The following RO60 variants were observed in gnomAD, a reference collection of about 807,000 sequenced individuals.
The protein encoded by RO60 is Ro60, Y RNA binding protein, also known as RNA-binding protein RO60.
A neutral mutation model predicts 55.3 loss-of-function variants in RO60; 20 were observed. The observed-to-expected ratio is 0.36, with a 90% CI of 0.25 to 0.53. The LOEUF (loss-of-function observed/expected upper bound fraction) is 0.53. Among genes scored for constraint, RO60 ranks in the 20% least tolerant of loss-of-function variants. The probability of loss-of-function intolerance (pLI) is 0.92; values close to 1 mark genes in which losing one functional copy is unlikely to be tolerated. For missense variants in RO60, 558 were observed against 646.6 expected, an observed-to-expected ratio of 0.86 and a Z score of 1.49; for synonymous variants, 213 against 213.6, an observed-to-expected ratio of 1.00 and a Z score of 0.02.
intron 5 of RO60, among the ~76,000 whole-genome samples, chr1:193,077,488 T>C (rs946121414): frequency 5.3e-5 from 8 of 152,100 alleles, no homozygotes; most frequent in Non-Finnish European, 1.2e-4. Context: ...CTTCTTCACA[T>C]GGCAGCAGGA....
intron 5 of RO60, among the ~76,000 whole-genome samples, chr1:193,080,704 C>A (rs540737544): frequency 6.6e-6 from 1 of 152,240 alleles, no homozygotes; most frequent in South Asian, 2.1e-4. Context: ...AAATTTGATA[C>A]ATGCTACACC....
chr1:193,066,063 C>G (rs1162956114), intron 1 of RO60, among the ~76,000 whole-genome samples: 1 of 152,172 alleles, frequency 6.6e-6, no homozygotes, highest in Non-Finnish European at 1.5e-5. Context: ...GGGGGAATGT[C>G]TTCAGTTTCC....
Position 193,085,904 on chromosome 1 carries a change from CA to C in RO60, c.*1174del. On this transcript the variant is annotated 3_prime_UTR_variant, in exon 9 of 9. Transcript: ENST00000400968. ...TATTATTTGTATGTATTAAACTTTT[CA>C]TTACACTAAAGTGCATTATTTTATT... The C allele has an allele frequency of 1.0e-6, 1 of 985,164 alleles. No homozygotes were observed. The allele number at this position is 985,164 out of a possible 1,614,324, so 61.0% of individuals were successfully genotyped here.
Position 193,081,464 on chromosome 1 carries a change from C to G in RO60, c.1187C>G (p.Ala396Gly). 1 of 1,607,024 alleles carries G rather than the reference C, an allele frequency of 6.2e-7. No homozygotes were observed. The highest frequency in any genetic ancestry group is 1.1e-5 in the South Asian group (1 of 89,532). The part of the protein sequence containing the change: ...LGSILNASTV[A>G]AAMCMVVTRT... ...AGTATACTCAACGCTAGTACAGTTGCTGCAGCAATGTGCATGGTGAGAACA... is the reference window on the plus strand; with the variant it reads ...AGTATACTCAACGCTAGTACAGTTGGTGCAGCAATGTGCATGGTGAGAACA... The change falls in exon 6 of 9, where the codon GCT (alanine) becomes GGT (glycine). Residue 396 changes from alanine (A) to glycine (G), a missense_variant. Coordinates refer to ENST00000400968, the MANE Select transcript of RO60 (RefSeq NM_001173524.2).
At chr1:193,065,919 G>A (rs1457654980) in intron 1 of RO60, among the ~76,000 whole-genome samples, 1 of 152,056 alleles carries the variant, frequency 6.6e-6, no homozygotes, top group Non-Finnish European at 1.5e-5. Flanking sequence ...CATTCAAAAT[G>A]TGAGGCTCTT....
intron 1 of RO60, among the ~76,000 whole-genome samples, chr1:193,064,558 TTCTG>T (rs1461007817): frequency 6.6e-6 from 1 of 152,236 alleles, no homozygotes; most frequent in Non-Finnish European, 1.5e-5. Flanking sequence ...TTATTCTGTT[TTCTG>T]TCTTTTAAAA....
chr1:193,061,952 C>T (rs904913106), intron 1 of RO60, among the ~76,000 whole-genome samples: 4 of 151,124 alleles, frequency 2.6e-5, no homozygotes, highest in African/African-American at 9.8e-5. Flanking sequence ...CCACTACACT[C>T]CAGCCTGGGT....
In RO60 at chr1:193,089,259, C is replaced by G. The variant is rs1179264747; in HGVS notation, c.*4528C>G. The G allele has an allele frequency of 6.6e-6, 1 of 152,122 alleles. No individual in the cohort carries two copies. 9.4% of individuals were successfully genotyped at this position (152,122 alleles called of 1,614,324 possible). A position where few individuals can be genotyped will look rare whatever the true frequency, so the allele number is the denominator to read the frequency against. Reference sequence around the variant, plus strand: ...TTAGAAAAATAATTAACTGATTACTCTTTCAGAAAATAGCAGGTGTCTCAA... The same window carrying G: ...TTAGAAAAATAATTAACTGATTACTGTTTCAGAAAATAGCAGGTGTCTCAA... On this transcript the variant is annotated 3_prime_UTR_variant, in exon 9 of 9. Transcript: ENST00000400968.
chr1:193,076,562 T>A lies in RO60; in HGVS notation c.863T>A (p.Met288Lys), dbSNP rs1181346273. Reference protein sequence around the residue: ...LTALLRNLGKMTANSVLEPGN... With the variant: ...LTALLRNLGKKTANSVLEPGN... Reference sequence around the variant, plus strand: ...GCATTACTAAGGAATCTAGGAAAGATGACTGCTAATTCAGTACTTGAACCA... The same window carrying A: ...GCATTACTAAGGAATCTAGGAAAGAAGACTGCTAATTCAGTACTTGAACCA... Residue 288 changes from methionine (M) to lysine (K), a missense_variant, in exon 4 of 9, where the codon ATG becomes AAG. Physicochemically the swap from Met to Lys is moderately conservative, Grantham distance 95. Transcript: ENST00000400968. 2 of 1,612,808 alleles carry A rather than the reference T, an allele frequency of 1.2e-6. No individual in the cohort carries two copies.
At position 193,088,696 on chromosome 1, in the gene RO60, C is replaced by T. The variant is rs1674728030; in HGVS notation, c.*3965C>T. 1.3e-5 allele frequency: 2 copies of T among 151,952 alleles called. No homozygotes were observed. The highest frequency in any genetic ancestry group is 2.4e-5 in the African/African-American group (1 of 41,380). 9.4% of individuals were successfully genotyped at this position (151,952 alleles called of 1,614,324 possible). On this transcript the variant is annotated 3_prime_UTR_variant, in exon 9 of 9. Coordinates refer to ENST00000400968, the MANE Select transcript of RO60 (RefSeq NM_001173524.2). ...TGGGGTGATTGTTAAGGCACTATCC[C>T]CTCTGGAGAAATGTCATATGGCATC...
At chr1:193,082,817 T>C in intron 8 of RO60, 109 bp downstream of exon 8, 1 of 942,606 alleles carries the variant, frequency 1.1e-6, no homozygotes, top group Non-Finnish European at 1.5e-6. Context: ...CTGGCTGGAG[T>C]GCAGTGGCTC....
chr1:193,091,532 C>A (rs1351998057), downstream of RO60: 3 of 819,424 alleles, frequency 3.7e-6, no homozygotes, highest in African/African-American at 3.5e-5. Flanking sequence ...AATAATACAA[C>A]TAACAATGTA....
chr1:193,069,693 A>G, intron 2 of RO60, 59 bp downstream of exon 2: 1 of 1,342,410 alleles, frequency 7.4e-7, no homozygotes, highest in South Asian at 1.4e-5. Flanking sequence ...ATAAATAGCA[A>G]ATTTTTATTT....
chr1:193,063,041 G>A (rs145313101), intron 1 of RO60, among the ~76,000 whole-genome samples: 4 of 152,214 alleles, frequency 2.6e-5, no homozygotes, highest in African/African-American at 9.6e-5. Flanking sequence ...TTTTTCTTAG[G>A]TGTGTGGTAG....
intron 1 of RO60, among the ~76,000 whole-genome samples, chr1:193,064,147 A>G (rs1480201070): frequency 6.6e-6 from 1 of 152,206 alleles, no homozygotes; most frequent in African/African-American, 2.4e-5. Context: ...TTCACCAAGG[A>G]TGCTCCACTG....
At chr1:193,077,643 A>G (rs1572093021) in intron 5 of RO60, among the ~76,000 whole-genome samples, 2 of 152,174 alleles carry the variant, frequency 1.3e-5, no homozygotes, top group East Asian at 3.9e-4. Flanking sequence ...ACATGTGGGG[A>G]TTATGGGAAC....
At position 193,085,040 on chromosome 1, in the gene RO60, G is replaced by GTTAC; in HGVS notation, c.*309_*310insTTAC. ...GAATAATACGTGTGTACCTAAAAGA[G>GTTAC]GTAAGAGCAAAAAGTGTAATTCCAC... On this transcript the variant is annotated 3_prime_UTR_variant, in exon 9 of 9. Coordinates refer to ENST00000400968, the MANE Select transcript of RO60 (RefSeq NM_001173524.2). 1 of 1,524,410 alleles carries GTTAC rather than the reference G, an allele frequency of 6.6e-7. No individual in the cohort carries two copies. The highest frequency in any genetic ancestry group is 8.8e-7 in the Non-Finnish European group (1 of 1,139,812). The allele number at this position is 1,524,410 out of a possible 1,614,324, so 94.4% of individuals were successfully genotyped here. A position where few individuals can be genotyped will look rare whatever the true frequency, so the allele number is the denominator to read the frequency against.
intron 2 of RO60, among the ~76,000 whole-genome samples, chr1:193,071,762 A>G (rs1475333012): frequency 6.7e-6 from 1 of 148,424 alleles, no homozygotes; most frequent in African/African-American, 2.4e-5. Flanking sequence ...ATTGTATAAT[A>G]TAGTATATAT....
At chr1:193,073,833 C>A (rs2103046558) in intron 2 of RO60, among the ~76,000 whole-genome samples, 1 of 151,934 alleles carries the variant, frequency 6.6e-6, no homozygotes, top group African/African-American at 2.4e-5. Context: ...GTGTGCTGCA[C>A]CCATTAACTC....
Sources: gnomAD v4.1 joint callset for allele counts (sites outside exome capture counted in the v4.1 genomes callset) on GRCh38, gnomAD v4.1.1 for gene constraint, MANE v1.5 for transcripts, NCBI Gene and HGNC (gene_info 2026-07-23, HGNC 2026-07-21) for gene names.